The following FRS2 variants were observed in gnomAD, a reference collection of about 807,000 sequenced individuals.
FRS2 encodes the protein FGFR signalling adaptor.
A neutral mutation model predicts 43.9 loss-of-function variants in FRS2; 8 were observed. The ratio of observed to expected loss-of-function variants is 0.18; its 90% CI spans 0.11 to 0.33. The LOEUF (loss-of-function observed/expected upper bound fraction) is 0.33. Ranked by LOEUF, FRS2 falls within the 10% of genes least tolerant of loss-of-function variation. The pLI is 1.00. For missense variants in FRS2, 534 were observed against 627.6 expected (o/e 0.85, Z 1.59); for synonymous variants, 219 against 220.3 (o/e 0.99, Z 0.05).
chr12:69,528,912 G>A (rs936714592), intron 1 of FRS2, among the ~76,000 whole-genome samples: 4 of 152,204 alleles, frequency 2.6e-5, no homozygotes, highest in Non-Finnish European at 4.4e-5. Flanking sequence ...AGATCCTGAA[G>A]TGAGAAGGTG....
intron 1 of FRS2, among the ~76,000 whole-genome samples, chr12:69,474,979 A>G (rs959451597): frequency 2.6e-5 from 4 of 152,230 alleles, no homozygotes; most frequent in African/African-American, 4.8e-5. Context: ...GTTTTGGCTT[A>G]TAATGTTTGG....
At chr12:69,487,982 C>T (rs1872110642) in intron 1 of FRS2, among the ~76,000 whole-genome samples, 1 of 152,162 alleles carries the variant, frequency 6.6e-6, no homozygotes, top group Non-Finnish European at 1.5e-5. Flanking sequence ...TTGCTGCAAT[C>T]TCATGGTCAA....
chr12:69,499,918 G>A (rs942745262), intron 1 of FRS2, among the ~76,000 whole-genome samples: 2 of 152,072 alleles, frequency 1.3e-5, no homozygotes, highest in African/African-American at 2.4e-5. Context: ...AAAATGTGGA[G>A]AAAAAATTGA....
chr12:69,545,875 C>A (rs906246247), intron 3 of FRS2, among the ~76,000 whole-genome samples: 1 of 151,624 alleles, frequency 6.6e-6, no homozygotes, highest in Non-Finnish European at 1.5e-5. Flanking sequence ...ACAGTCTCTT[C>A]AACAAGTGAT....
At position 69,572,113 on chromosome 12, in the gene FRS2, C is replaced by T; in HGVS notation, c.413-5C>T. On this transcript the variant is annotated splice_polypyrimidine_tract_variant and splice_region_variant and intron_variant, in intron 7 of 8. Transcript: ENST00000549921. The stretch of plus-strand genomic sequence containing the variant: ...TTTTCCTTAAACCAATAAACAAAAA[C>T]TCAGCTCCAGGATTTGCTGCTCAGA... 2 of 1,611,688 alleles carry T rather than the reference C, an allele frequency of 1.2e-6. No individual in the cohort carries two copies. The highest frequency in any genetic ancestry group is 8.5e-7 in the Non-Finnish European group (1 of 1,178,462).
intron 1 of FRS2, among the ~76,000 whole-genome samples, chr12:69,485,418 G>A (rs953331447): frequency 2.6e-5 from 4 of 151,928 alleles, no homozygotes; most frequent in African/African-American, 7.3e-5. Context: ...TCCTGACCTC[G>A]TGATCCGCCC....
rs1876718796 is a variant in FRS2 at position 69,530,875 on chromosome 12, T to C, written c.-250T>C. The stretch of plus-strand genomic sequence containing the variant: ...TAACCTATATTTCAGAAATGACCAT[T>C]AAGAAGTAGATGCCCAGATGCAAAA... On this transcript the variant is annotated 5_prime_UTR_variant, in exon 2 of 9. Transcript: ENST00000549921. 1 of 152,588 alleles carries C rather than the reference T, an allele frequency of 6.6e-6. No individual in the cohort carries two copies. The highest frequency in any genetic ancestry group is 1.5e-5 in the Non-Finnish European group (1 of 68,040). 9.5% of individuals were successfully genotyped at this position (152,588 alleles called of 1,614,324 possible). A position where few individuals can be genotyped will look rare whatever the true frequency, so the allele number is the denominator to read the frequency against.
chr12:69,513,111 TCTC>T (rs1874619799), intron 1 of FRS2, among the ~76,000 whole-genome samples: 1 of 148,590 alleles, frequency 6.7e-6, no homozygotes, highest in African/African-American at 2.5e-5. Context: ...TTCTGTGACT[TCTC>T]CTCCCGCCCC....
At chr12:69,520,023 C>G (rs142173113) in intron 1 of FRS2, among the ~76,000 whole-genome samples, 4 of 152,336 alleles carry the variant, frequency 2.6e-5, no homozygotes, top group Non-Finnish European at 5.9e-5. Context: ...TACACTCTCA[C>G]CAACTGTATA....
chr12:69,519,717 T>C (rs1875436778), intron 1 of FRS2, among the ~76,000 whole-genome samples: 1 of 152,202 alleles, frequency 6.6e-6, no homozygotes, highest in Non-Finnish European at 1.5e-5. Flanking sequence ...CTCCACCTTT[T>C]GTTGCTGCAA....
chr12:69,493,023 T>G lies in FRS2; in HGVS notation c.-261+22493T>G, dbSNP rs74505149. On this transcript the variant is annotated intron_variant, in intron 1 of 8. Transcript: ENST00000549921. The stretch of plus-strand genomic sequence containing the variant: ...GAGGAATAGTGTTGGCAAATTAAGT[T>G]TTGAAACTAAAGACATATTAAGATA... 6.8e-3 allele frequency among the ~76,000 whole-genome samples: 1,030 copies of G among 152,306 alleles called. 11 individuals carry two copies. Among genetic ancestry groups the G allele is most frequent in the African/African-American group, 0.023 (975 of 41,568 alleles).
intron 1 of FRS2, among the ~76,000 whole-genome samples, chr12:69,515,209 T>G (rs1392117883): frequency 4.6e-5 from 7 of 152,236 alleles, no homozygotes; most frequent in Non-Finnish European, 2.9e-5. Context: ...TTTTCTGTCC[T>G]GATGCATTTA....
At chr12:69,534,100 T>G (rs1367719916) in intron 3 of FRS2, among the ~76,000 whole-genome samples, 1 of 152,212 alleles carries the variant, frequency 6.6e-6, no homozygotes, top group Non-Finnish European at 1.5e-5. Context: ...GTCTTTGAAG[T>G]TTAGCAGTCT....
intron 1 of FRS2, among the ~76,000 whole-genome samples, chr12:69,505,767 C>T (rs550350569): frequency 1.1e-4 from 16 of 152,202 alleles, no homozygotes; most frequent in South Asian, 8.3e-4. Flanking sequence ...ATTGAGTTTG[C>T]GTGGAAAAAT....
intron 1 of FRS2, among the ~76,000 whole-genome samples, chr12:69,529,338 G>A (rs563089951): frequency 3.3e-5 from 5 of 152,068 alleles, no homozygotes; most frequent in Non-Finnish European, 7.4e-5. Context: ...AATACTAGAA[G>A]GTAGGCTGGG....
intron 1 of FRS2, among the ~76,000 whole-genome samples, chr12:69,473,631 C>T (rs536274864): frequency 1.3e-5 from 2 of 152,120 alleles, no homozygotes; most frequent in Non-Finnish European, 2.9e-5. Context: ...AAAAAAAGTT[C>T]GACGTTTGGG....
chr12:69,523,037 A>G (rs1026833987), intron 1 of FRS2, among the ~76,000 whole-genome samples: 27 of 152,218 alleles, frequency 1.8e-4, no homozygotes, highest in African/African-American at 6.3e-4. Flanking sequence ...CCGTATGGCG[A>G]TAAGAAGAAT....
intron 1 of FRS2, among the ~76,000 whole-genome samples, chr12:69,483,622 T>C (rs1871544619): frequency 6.6e-6 from 1 of 152,100 alleles, no homozygotes; most frequent in African/African-American, 2.4e-5. Context: ...TTACAAACTT[T>C]ATATTAAGTA....
intron 1 of FRS2, among the ~76,000 whole-genome samples, chr12:69,519,618 C>T (rs1762645255): frequency 6.6e-6 from 1 of 152,122 alleles, no homozygotes; most frequent in Non-Finnish European, 1.5e-5. Flanking sequence ...TCCATGTGTA[C>T]TCATCATTTA....
Sources: allele counts gnomAD v4.1 joint callset (sites outside exome capture counted in the v4.1 genomes callset), GRCh38; gene constraint gnomAD v4.1.1; transcripts MANE v1.5; gene names NCBI Gene and HGNC (gene_info 2026-07-23, HGNC 2026-07-21).